Variants in STK32B observed in about 807,000 individuals in gnomAD.
The protein encoded by STK32B is serine/threonine-protein kinase 32B.
Under a neutral mutation model 52.6 loss-of-function variants are expected in STK32B, and 43 were observed. The observed-to-expected ratio is 0.82, with a 90% CI of 0.64 to 1.05. STK32B has a LOEUF of 1.05. STK32B is among the 50% of genes least tolerant of loss of function. STK32B has a pLI of 0.00. For missense variants in STK32B, 621 were observed against 534.6 expected (o/e 1.16, Z -1.59); for synonymous variants, 238 against 204.3 (o/e 1.17, Z -1.41).
chr4:5,060,906 G>A (rs1742193312), intron 1 of STK32B, among the ~76,000 whole-genome samples: 1 of 152,036 alleles, frequency 6.6e-6, no homozygotes, highest in South Asian at 2.1e-4. Flanking sequence ...TTTTAAGCTT[G>A]TATGTTTTTC....
At position 5,360,237 on chromosome 4, in the gene STK32B, C is replaced by G. The variant is rs138533670; in HGVS notation, c.434+28844C>G. 4.6e-5 allele frequency among the ~76,000 whole-genome samples: 7 copies of G among 152,308 alleles called. No homozygotes were observed. In the East Asian group the frequency reaches 1.4e-3, roughly 29 times the overall value. On this transcript the variant is annotated intron_variant, in intron 4 of 11. Coordinates refer to ENST00000282908, the MANE Select transcript of STK32B (RefSeq NM_018401.3). ...AAATTCCATTGTGAAGTGCCAGACCCAGTGCCACGTTCTGGGATGACAGAA... is the reference window on the plus strand; with the variant it reads ...AAATTCCATTGTGAAGTGCCAGACCGAGTGCCACGTTCTGGGATGACAGAA...
At chr4:5,310,373 G>A (rs1053668653) in intron 3 of STK32B, among the ~76,000 whole-genome samples, 39 of 152,048 alleles carry the variant, frequency 2.6e-4, no homozygotes, top group Admixed American at 2.4e-3. Context: ...TTTAAAAATG[G>A]CAAATGAACT....
At chr4:5,140,398 C>A in intron 2 of STK32B, 1 of 928,754 alleles carries the variant, frequency 1.1e-6, no homozygotes, top group Non-Finnish European at 1.4e-6. Context: ...AACAAAAATA[C>A]TCCCCCCAGT....
intron 3 of STK32B, among the ~76,000 whole-genome samples, chr4:5,278,651 A>G (rs1265444620): frequency 1.3e-5 from 2 of 152,190 alleles, no homozygotes; most frequent in Non-Finnish European, 2.9e-5. Flanking sequence ...TATTACCAAT[A>G]TTGTTACAGA....
chr4:5,263,156 A>G (rs1016255017), intron 3 of STK32B, among the ~76,000 whole-genome samples: 1 of 152,024 alleles, frequency 6.6e-6, no homozygotes, highest in Non-Finnish European at 1.5e-5. Context: ...GTTTGTGGAT[A>G]TGAATTGGTG....
intron 4 of STK32B, among the ~76,000 whole-genome samples, chr4:5,389,641 G>T (rs10018659): frequency 3.9e-5 from 6 of 152,174 alleles, no homozygotes; most frequent in African/African-American, 1.4e-4. Flanking sequence ...AGAGACACTG[G>T]GAATAGGGAC....
In STK32B at chr4:5,398,120, C is replaced by G. The variant is rs1356191015; in HGVS notation, c.435-87C>G. 2 of 1,494,254 alleles carry G rather than the reference C, an allele frequency of 1.3e-6. No individual in the cohort carries two copies. Among genetic ancestry groups the G allele is most frequent in the Non-Finnish European group, 1.8e-6 (2 of 1,089,230 alleles). The allele number at this position is 1,494,254 out of a possible 1,614,324, so 92.6% of individuals were successfully genotyped here. A position where few individuals can be genotyped will look rare whatever the true frequency, so the allele number is the denominator to read the frequency against. ...GGAGAGGTGAGCAGCCTGGGTGTTC[C>G]AGCATTTGTCCTGATGTGGTGCTTG... On this transcript the variant is annotated intron_variant, in intron 4 of 11. Coordinates refer to ENST00000282908, the MANE Select transcript of STK32B (RefSeq NM_018401.3). This position sits in a 1 kb window ranked among gnomAD's most constrained non-coding sequence, Gnocchi z 4.9.
chr4:5,030,558 A>C, the STK32B span, among the ~76,000 whole-genome samples: 1 of 152,238 alleles, frequency 6.6e-6, no homozygotes, highest in Non-Finnish European at 1.5e-5. Context: ...GGCACTAGGC[A>C]CTTTAACCAA....
rs1735890863 is a variant in STK32B at position 5,380,821 on chromosome 4, G to A, written c.435-17386G>A. 6.6e-6 allele frequency among the ~76,000 whole-genome samples: 1 copy of A among 152,148 alleles called. No individual in the cohort carries two copies. Among genetic ancestry groups the A allele is most frequent in the African/African-American group, 2.4e-5 (1 of 41,420 alleles). ...GTCCTTACAACAGCCTACAAGTAGA[G>A]CTTAGATCTTCATGGTGTGGTAAAG... On this transcript the variant is annotated intron_variant, in intron 4 of 11. Transcript: ENST00000282908. The surrounding 1 kb of genome is among the most constrained non-coding windows in gnomAD (Gnocchi z 4.3).
At chr4:5,157,001 A>G (rs903744455) in intron 2 of STK32B, among the ~76,000 whole-genome samples, 9 of 152,186 alleles carry the variant, frequency 5.9e-5, no homozygotes, top group Non-Finnish European at 1.2e-4. Flanking sequence ...TGAAAAAAAA[A>G]AGATTTGATT....
chr4:5,065,125 C>T (rs1448148761), intron 1 of STK32B, among the ~76,000 whole-genome samples: 1 of 152,038 alleles, frequency 6.6e-6, no homozygotes, highest in Non-Finnish European at 1.5e-5. Context: ...TTGTCAACCC[C>T]TGCATGTTCA....
chr4:5,390,056 G>C (rs195134), intron 4 of STK32B, among the ~76,000 whole-genome samples: 1 of 152,056 alleles, frequency 6.6e-6, no homozygotes, highest in Non-Finnish European at 1.5e-5. Flanking sequence ...GGACACAGCC[G>C]GTTTACTCTT....
At chr4:5,074,431 TA>T (rs1163945515) in intron 1 of STK32B, among the ~76,000 whole-genome samples, 2 of 152,222 alleles carry the variant, frequency 1.3e-5, no homozygotes, top group South Asian at 2.1e-4. Context: ...CCACTGTATT[TA>T]TTTTTTTCCT....
At chr4:5,437,610 G>A (rs376761505) in intron 6 of STK32B, among the ~76,000 whole-genome samples, 9 of 152,270 alleles carry the variant, frequency 5.9e-5, no homozygotes, top group African/African-American at 2.2e-4. Context: ...CAGGAGTTAG[G>A]ACTTGAACAT....
intron 5 of STK32B, among the ~76,000 whole-genome samples, chr4:5,409,106 A>G (rs920366580): frequency 2.0e-5 from 3 of 152,106 alleles, no homozygotes; most frequent in Non-Finnish European, 4.4e-5. Context: ...ATCTATTGAG[A>G]TTGTTCTGCC....
chr4:5,483,468 C>T (rs539769188), intron 11 of STK32B, among the ~76,000 whole-genome samples: 2,352 of 151,096 alleles, frequency 0.016, 62 homozygotes, highest in African/African-American at 0.055. Context: ...TCTATTTGAT[C>T]CTTCTCTCTT....
chr4:5,452,826 C>G (rs548525168), intron 7 of STK32B, among the ~76,000 whole-genome samples: 66 of 152,180 alleles, frequency 4.3e-4, no homozygotes, highest in African/African-American at 1.5e-3. Flanking sequence ...TACCCACACT[C>G]CATAATAAGT....
intron 7 of STK32B, among the ~76,000 whole-genome samples, chr4:5,451,069 T>A (rs1715948815): frequency 6.6e-6 from 1 of 152,106 alleles, no homozygotes; most frequent in Admixed American, 6.5e-5. Context: ...ACCTGCAGGG[T>A]CATGTGAGAT....
intron 3 of STK32B, among the ~76,000 whole-genome samples, chr4:5,221,450 T>C (rs1723532889): frequency 6.6e-6 from 1 of 152,210 alleles, no homozygotes; most frequent in Admixed American, 6.5e-5. Context: ...ATGATTTTAC[T>C]GTTTGCTGGG....
Sources: allele counts gnomAD v4.1 joint callset (sites outside exome capture counted in the v4.1 genomes callset), GRCh38; gene constraint gnomAD v4.1.1; non-coding constraint Gnocchi (gnomAD v3.1); transcripts MANE v1.5; gene names NCBI Gene and HGNC (gene_info 2026-07-23, HGNC 2026-07-21).